Variants in ZMYM4 observed in about 807,000 individuals in gnomAD.
ZMYM4 encodes zinc finger MYM-type protein 4.
A neutral mutation model predicts 183.2 loss-of-function variants in ZMYM4; 31 were observed. The observed-to-expected ratio is 0.17, with a 90% CI of 0.13 to 0.23. ZMYM4 has a LOEUF of 0.23. Ranked by LOEUF, ZMYM4 falls within the 10% of genes least tolerant of loss-of-function variation. The pLI is 1.00. For missense variants in ZMYM4, 1,273 were observed against 1,840.3 expected (o/e 0.69, Z 5.64); for synonymous variants, 592 against 631.2 (o/e 0.94, Z 0.93).
chr1:35,346,491 A>G (rs1643394836), intron 2 of ZMYM4, among the ~76,000 whole-genome samples: 2 of 152,024 alleles, frequency 1.3e-5, no homozygotes, highest in Admixed American at 1.3e-4. Context: ...CCTGTACTAC[A>G]AACACAAAAA....
At chr1:35,367,220 A>AT (rs200690605) in intron 5 of ZMYM4, among the ~76,000 whole-genome samples, 4,065 of 145,574 alleles carry the variant, frequency 0.028, 205 homozygotes, top group East Asian at 0.24. Context: ...CAATTAATTA[A>AT]TTTTTTTTTT....
intron 25 of ZMYM4, among the ~76,000 whole-genome samples, chr1:35,406,785 T>C (rs558774733): frequency 2.0e-5 from 3 of 152,266 alleles, no homozygotes; most frequent in Non-Finnish European, 4.4e-5. Context: ...CAGGAGCCCA[T>C]GTGTATGTAA....
chr1:35,343,003 A>G (rs1014115560), intron 2 of ZMYM4, among the ~76,000 whole-genome samples: 1 of 152,098 alleles, frequency 6.6e-6, no homozygotes, highest in Non-Finnish European at 1.5e-5. Context: ...CATGTATACT[A>G]GTTTGGATAC....
At chr1:35,418,655 G>A (rs1344093355) in intron 29 of ZMYM4, 83 bp downstream of exon 29, 16 of 1,555,008 alleles carry the variant, frequency 1.0e-5, no homozygotes, top group Non-Finnish European at 1.3e-5. Flanking sequence ...CATCAGAAAA[G>A]TAGCTTGCCC....
At chr1:35,313,157 G>A (rs1181851166) in intron 1 of ZMYM4, among the ~76,000 whole-genome samples, 1 of 152,008 alleles carries the variant, frequency 6.6e-6, no homozygotes, top group African/African-American at 2.4e-5. Flanking sequence ...GCCTCCCAAA[G>A]TGCTGGGATT....
chr1:35,290,226 C>T (rs572106096), intron 1 of ZMYM4, among the ~76,000 whole-genome samples: 2 of 152,320 alleles, frequency 1.3e-5, no homozygotes, highest in African/African-American at 4.8e-5. Context: ...CCTTGGCCTC[C>T]CAAAATGCTG....
intron 1 of ZMYM4, 107 bp downstream of exon 1, chr1:35,269,192 A>G (rs1372404865): frequency 4.5e-6 from 6 of 1,341,510 alleles, no homozygotes; most frequent in East Asian, 3.8e-5. Context: ...CCCAGTTAGG[A>G]CAAGGTTGCG....
chr1:35,389,179 A>T lies in ZMYM4; in HGVS notation c.2436+97A>T. The T allele has an allele frequency of 8.0e-7, 1 of 1,252,638 alleles. No homozygotes were observed. Among genetic ancestry groups the T allele is most frequent in the Non-Finnish European group, 1.1e-6 (1 of 916,860 alleles). The allele number at this position is 1,252,638 out of a possible 1,614,324, so 77.6% of individuals were successfully genotyped here. ...CATAAAGGACAATTTAATTATTTAA[A>T]ACTTTTAAGTATTAAATGTTTTATG... On this transcript the variant is annotated intron_variant, in intron 14 of 29. Transcript: ENST00000314607. This position sits in a 1 kb window ranked among gnomAD's most constrained non-coding sequence, Gnocchi z 4.0.
chr1:35,374,647 A>G (rs1364770275), intron 7 of ZMYM4, among the ~76,000 whole-genome samples: 1 of 151,336 alleles, frequency 6.6e-6, no homozygotes, highest in Non-Finnish European at 1.5e-5. Flanking sequence ...CCAGCTCCTA[A>G]AAAAAGTCAG....
At chr1:35,338,160 C>A (rs1424237762) in intron 2 of ZMYM4, among the ~76,000 whole-genome samples, 1 of 152,090 alleles carries the variant, frequency 6.6e-6, no homozygotes, top group African/African-American at 2.4e-5. Flanking sequence ...GACATGCAGG[C>A]ATAGTTTACC....
chr1:35,345,101 T>C (rs1401432818), intron 2 of ZMYM4, among the ~76,000 whole-genome samples: 2 of 152,228 alleles, frequency 1.3e-5, no homozygotes, highest in African/African-American at 2.4e-5. Flanking sequence ...CTGGCACCTG[T>C]GACTGTTGAG....
chr1:35,407,467 G>C (rs1645025248), intron 25 of ZMYM4, among the ~76,000 whole-genome samples: 1 of 151,630 alleles, frequency 6.6e-6, no homozygotes, highest in Non-Finnish European at 1.5e-5. Context: ...AAGTTGAATA[G>C]CTTTCTTTTT....
Position 35,370,035 on chromosome 1 carries a change from A to G in ZMYM4, c.847A>G (p.Ser283Gly). 6.2e-7 allele frequency: 1 copy of G among 1,611,766 alleles called. No homozygotes were observed. Among genetic ancestry groups the G allele is most frequent in the Non-Finnish European group, 8.5e-7 (1 of 1,178,182 alleles). ...ATTTTTTTCTTCTTTAAAGGAGTATAGTCATGGCCAACAGCAAAAAACTCA... is the reference window on the plus strand; with the variant it reads ...ATTTTTTTCTTCTTTAAAGGAGTATGGTCATGGCCAACAGCAAAAAACTCA... ...KDEPDNAQEY[S>G]HGQQQKTQEG... is the part of the protein sequence containing the mutation. The change falls in exon 6 of 30, where the codon AGT becomes GGT. Residue 283 changes from serine to glycine, a missense_variant. Coordinates refer to ENST00000314607, the MANE Select transcript of ZMYM4 (RefSeq NM_005095.3).
chr1:35,411,687 A>G (rs1490044974), intron 26 of ZMYM4, among the ~76,000 whole-genome samples: 1 of 152,146 alleles, frequency 6.6e-6, no homozygotes, highest in Non-Finnish European at 1.5e-5. Context: ...TGATTTGGAG[A>G]ATATTGCCAT....
intron 18 of ZMYM4, among the ~76,000 whole-genome samples, chr1:35,395,811 AGTATGGTATATAC>A (rs1193725530): frequency 6.6e-6 from 1 of 152,224 alleles, no homozygotes; most frequent in African/African-American, 2.4e-5. Flanking sequence ...GCTATACAGA[AGTATGGTATATAC>A]TTGTTTTTGC....
At chr1:35,417,240 A>G (rs1183489657) in intron 28 of ZMYM4, among the ~76,000 whole-genome samples, 2 of 145,050 alleles carry the variant, frequency 1.4e-5, no homozygotes, top group Admixed American at 6.9e-5. Context: ...CTGTCTCCCA[A>G]AAAAAAAAAA....
chr1:35,377,260 A>G (rs1644355717), intron 7 of ZMYM4, among the ~76,000 whole-genome samples: 1 of 152,194 alleles, frequency 6.6e-6, no homozygotes, highest in African/African-American at 2.4e-5. Flanking sequence ...GCTCAATGTA[A>G]CTACTCACTA....
In ZMYM4 at chr1:35,332,392, A is replaced by G. The variant is rs952895405; in HGVS notation, c.85+6987A>G. On this transcript the variant is annotated intron_variant, in intron 2 of 29. Coordinates refer to ENST00000314607, the MANE Select transcript of ZMYM4 (RefSeq NM_005095.3). ...AATGGCTCCGGTGTTCAGAAAGGGTATACTGGGGATGTTTTTTTTTTTTTT... is the reference window on the plus strand; with the variant it reads ...AATGGCTCCGGTGTTCAGAAAGGGTGTACTGGGGATGTTTTTTTTTTTTTT... Among the ~76,000 whole-genome samples the G allele has an allele frequency of 5.3e-5, 8 of 150,222 alleles. No homozygotes were observed. The East Asian group carries it at 1.6e-3, about 30-fold the overall frequency.
intron 2 of ZMYM4, among the ~76,000 whole-genome samples, chr1:35,352,267 G>GCACA (rs1262248278): frequency 1.1e-3 from 84 of 78,278 alleles, no homozygotes; most frequent in African/African-American, 3.5e-3. Context: ...GCACGCGCGC[G>GCACA]CGCACACACA....
Sources: allele counts gnomAD v4.1 joint callset (sites outside exome capture counted in the v4.1 genomes callset), GRCh38; gene constraint gnomAD v4.1.1; non-coding constraint Gnocchi (gnomAD v3.1); transcripts MANE v1.5; gene names NCBI Gene and HGNC (gene_info 2026-07-23, HGNC 2026-07-21).